Variants in PTPRD observed in about 807,000 individuals in gnomAD.
PTPRD encodes the protein receptor-type tyrosine-protein phosphatase delta.
In PTPRD, 34 loss-of-function variants were observed where a neutral mutation model predicts 214.5. The observed-to-expected ratio is 0.16, with a 90% confidence interval of 0.12 to 0.21. The LOEUF is 0.21. Among genes scored for constraint, PTPRD ranks in the 10% least tolerant of loss-of-function variants. The pLI is 1.00. For missense variants in PTPRD, 2,545 were observed against 2,398.7 expected (o/e 1.06, Z -1.27); for synonymous variants, 1,128 against 845.7 (o/e 1.33, Z -5.79).
intron 14 of PTPRD, among the ~76,000 whole-genome samples, chr9:8,597,511 A>G (rs2094539107): frequency 6.6e-6 from 1 of 152,140 alleles, no homozygotes; most frequent in Non-Finnish European, 1.5e-5. Flanking sequence ...ATCAAAATAA[A>G]ACAAAAAAAA....
intron 9 of PTPRD, among the ~76,000 whole-genome samples, chr9:9,232,712 G>A (rs1430245817): frequency 4.0e-4 from 61 of 151,740 alleles, no homozygotes; most frequent in Admixed American, 4.0e-3. Context: ...AATCTGCTAG[G>A]GCTCATGAAA....
At chr9:9,942,320 A>G (rs77650431) in intron 4 of PTPRD, among the ~76,000 whole-genome samples, 1 of 152,154 alleles carries the variant, frequency 6.6e-6, no homozygotes, top group Admixed American at 6.6e-5. Context: ...TCAGTAAATA[A>G]AAAGCATCTT....
intron 11 of PTPRD, among the ~76,000 whole-genome samples, chr9:8,944,420 G>A (rs1349625335): frequency 1.3e-5 from 2 of 151,940 alleles, no homozygotes. Context: ...CCAAAGAAAG[G>A]AAATCAGTAT....
At chr9:8,319,173 G>A (rs1375637952) in intron 45 of PTPRD, among the ~76,000 whole-genome samples, 1 of 152,012 alleles carries the variant, frequency 6.6e-6, no homozygotes, top group Non-Finnish European at 1.5e-5. Flanking sequence ...ATGAATTGAG[G>A]AACACATATA....
chr9:10,446,417 C>CTTTTTTTTTTTTTTT (rs34478548), intron 2 of PTPRD, among the ~76,000 whole-genome samples: 2 of 92,964 alleles, frequency 2.2e-5, no homozygotes, highest in African/African-American at 4.1e-5. Context: ...CTATTTTTTT[C>CTTTTTTTTTTTTTTT]TTTTTTTTTT....
intron 11 of PTPRD, among the ~76,000 whole-genome samples, chr9:8,797,440 A>C (rs1214716349): frequency 1.3e-5 from 2 of 152,238 alleles, no homozygotes; most frequent in Non-Finnish European, 2.9e-5. Flanking sequence ...TAGCACACAG[A>C]ATCTTGATGA....
chr9:9,920,109 T>A (rs1416207288), intron 5 of PTPRD, among the ~76,000 whole-genome samples: 1 of 152,146 alleles, frequency 6.6e-6, no homozygotes, highest in Non-Finnish European at 1.5e-5. Context: ...TACATTTAAA[T>A]CAGTGACAAA....
chr9:9,869,516 G>A (rs570788593), intron 5 of PTPRD, among the ~76,000 whole-genome samples: 26 of 152,080 alleles, frequency 1.7e-4, no homozygotes, highest in African/African-American at 5.8e-4. Flanking sequence ...TGCTGGATTT[G>A]TCCCACATTC....
chr9:8,432,091 C>A (rs1031980379), intron 35 of PTPRD, among the ~76,000 whole-genome samples: 1 of 152,096 alleles, frequency 6.6e-6, no homozygotes, highest in Admixed American at 6.5e-5. Context: ...TAGGCGCCAG[C>A]CTAAGATTTT....
chr9:8,733,735 A>C, intron 12 of PTPRD, 45 bp downstream of exon 12: 1 of 1,546,132 alleles, frequency 6.5e-7, no homozygotes, highest in South Asian at 1.2e-5. Context: ...AAACAAAACC[A>C]CTCATTATGG....
intron 5 of PTPRD, among the ~76,000 whole-genome samples, chr9:9,865,390 G>A (rs754288107): frequency 6.6e-6 from 1 of 152,132 alleles, no homozygotes; most frequent in Non-Finnish European, 1.5e-5. Flanking sequence ...GCATTATCAT[G>A]GGAGAGGGAC....
chr9:10,595,206 G>T (rs1292409322), intron 2 of PTPRD, among the ~76,000 whole-genome samples: 1 of 151,802 alleles, frequency 6.6e-6, no homozygotes, highest in Non-Finnish European at 1.5e-5. Context: ...CCATAGGACT[G>T]TATTAATTAT....
chr9:9,706,399 G>A (rs2097607920), intron 7 of PTPRD, among the ~76,000 whole-genome samples: 1 of 150,796 alleles, frequency 6.6e-6, no homozygotes, highest in South Asian at 2.1e-4. Context: ...TTGTACTATT[G>A]TTATTTACAA....
intron 9 of PTPRD, among the ~76,000 whole-genome samples, chr9:9,330,766 A>G (rs1213550876): frequency 6.6e-6 from 1 of 151,962 alleles, no homozygotes; most frequent in Non-Finnish European, 1.5e-5. Flanking sequence ...GCTTAGGGGA[A>G]TAAGTGAAAT....
At chr9:10,605,624 G>A (rs376085992) in intron 2 of PTPRD, among the ~76,000 whole-genome samples, 1 of 151,772 alleles carries the variant, frequency 6.6e-6, no homozygotes, top group African/African-American at 2.4e-5. Flanking sequence ...GACAGCAAAG[G>A]AGAAGGACAA....
At chr9:8,378,156 T>C (rs572765444) in intron 37 of PTPRD, among the ~76,000 whole-genome samples, 32 of 152,164 alleles carry the variant, frequency 2.1e-4, no homozygotes, top group Non-Finnish European at 3.7e-4. Context: ...TTTGCCTTAA[T>C]AAGATGTAAA....
At chr9:10,078,821 A>G (rs1001225960) in intron 3 of PTPRD, among the ~76,000 whole-genome samples, 3 of 152,000 alleles carry the variant, frequency 2.0e-5, no homozygotes, top group Admixed American at 1.3e-4. Flanking sequence ...TTCTTCAAAT[A>G]TTTTAGAGAT....
At chr9:9,820,983 T>C (rs1233700617) in intron 5 of PTPRD, among the ~76,000 whole-genome samples, 1 of 152,160 alleles carries the variant, frequency 6.6e-6, no homozygotes, top group Non-Finnish European at 1.5e-5. Context: ...ATATGAATTT[T>C]AGAATAGTTT....
chr9:8,677,627 T>C (rs951189861), intron 12 of PTPRD, among the ~76,000 whole-genome samples: 3 of 152,144 alleles, frequency 2.0e-5, no homozygotes, highest in East Asian at 1.9e-4. Flanking sequence ...AATTTATCTA[T>C]ATAGAACCAA....
Sources: allele counts gnomAD v4.1 joint callset (sites outside exome capture counted in the v4.1 genomes callset), GRCh38; gene constraint gnomAD v4.1.1; transcripts MANE v1.5; gene names NCBI Gene and HGNC (gene_info 2026-07-23, HGNC 2026-07-21).